MARCHF6: variants seen among roughly 807,000 people sequenced by gnomAD.
MARCHF6 encodes membrane associated ring-CH-type finger 6.
Under a neutral mutation model 133.7 loss-of-function variants are expected in MARCHF6, and 31 were observed. The ratio of observed to expected loss-of-function variants is 0.23; its 90% CI spans 0.17 to 0.31. MARCHF6 has a LOEUF of 0.31. Ranked by LOEUF, MARCHF6 falls within the 10% of genes least tolerant of loss-of-function variation. The pLI is 1.00. For synonymous variants in MARCHF6, 395 were observed against 402.5 expected, an observed-to-expected ratio of 0.98 and a Z score of 0.22; for missense variants, 723 against 1,121.6, an observed-to-expected ratio of 0.64 and a Z score of 5.08.
At chr5:10,405,870 A>T (rs898651880) in intron 16 of MARCHF6, among the ~76,000 whole-genome samples, 193 bp downstream of exon 16, 1 of 152,178 alleles carries the variant, frequency 6.6e-6, no homozygotes, top group African/African-American at 2.4e-5. Flanking sequence ...ATGTAAAAAG[A>T]TATTTACTAA....
At chr5:10,422,503 T>C (rs924185513) in intron 22 of MARCHF6, among the ~76,000 whole-genome samples, 3 of 152,190 alleles carry the variant, frequency 2.0e-5, no homozygotes, top group African/African-American at 7.2e-5. Context: ...TTGGACTTTT[T>C]TTCTGTAGCA....
At chr5:10,413,077 A>C (rs1209186134) in intron 19 of MARCHF6, among the ~76,000 whole-genome samples, 1 of 152,140 alleles carries the variant, frequency 6.6e-6, no homozygotes, top group Non-Finnish European at 1.5e-5. Flanking sequence ...ACACTCACTG[A>C]ATTGTTCTTC....
At chr5:10,375,211 G>C (rs1432917141) in intron 1 of MARCHF6, among the ~76,000 whole-genome samples, 1 of 152,228 alleles carries the variant, frequency 6.6e-6, no homozygotes, top group African/African-American at 2.4e-5. Context: ...GGGCCAGCTG[G>C]AGTTCCGGGT....
intron 1 of MARCHF6, among the ~76,000 whole-genome samples, chr5:10,371,547 A>G (rs1026509447): frequency 2.6e-5 from 4 of 152,190 alleles, no homozygotes; most frequent in Non-Finnish European, 4.4e-5. Context: ...CTGTTTTTCA[A>G]ACCATCAGAT....
rs752071427 is a variant in MARCHF6 at position 10,426,367 on chromosome 5, A to C, written c.2374-23A>C. 3 of 1,610,880 alleles carry C rather than the reference A, an allele frequency of 1.9e-6. No homozygotes were observed. The East Asian group carries it at 6.7e-5, about 36-fold the overall frequency. On this transcript the variant is annotated intron_variant, in intron 23 of 25. Transcript: ENST00000274140. ...GGAATTTGTCTTGTATCTTTGTTCTAATTGCTTTTTGTAATGTTTCAGGTT... is the reference window on the plus strand; with the variant it reads ...GGAATTTGTCTTGTATCTTTGTTCTCATTGCTTTTTGTAATGTTTCAGGTT...
chr5:10,362,173 C>G (rs946332883), intron 1 of MARCHF6, among the ~76,000 whole-genome samples: 5 of 152,194 alleles, frequency 3.3e-5, no homozygotes, highest in African/African-American at 1.2e-4. Context: ...CAAATTTACC[C>G]TGTTTAGGGT....
intron 1 of MARCHF6, among the ~76,000 whole-genome samples, chr5:10,367,640 T>C (rs1451042957): frequency 1.3e-5 from 2 of 152,214 alleles, no homozygotes; most frequent in Non-Finnish European, 2.9e-5. Context: ...TGAACTGTAC[T>C]GTTGGCTAGA....
chr5:10,415,550 A>G lies in MARCHF6; in HGVS notation c.2029A>G (p.Thr677Ala). Residue 677 changes from threonine (T) to alanine (A), a missense_variant, in exon 21 of 26, where the codon ACA becomes GCA. Around this residue, in one of 4 missense-constraint regions of MARCHF6, gnomAD observed 492 missense variants for 699.5 expected, o/e 0.70. Transcript: ENST00000274140. ...TGTAKIHELY[T>A]AACGLYVCWL... is the part of the protein sequence containing the mutation. ...GACTGCCAAAATCCATGAGCTCTAC[A>G]CAGCTGCTTGTGGTCTCTATGTTTG... is the stretch of plus-strand genomic sequence containing the variant. 1.2e-6 allele frequency: 2 copies of G among 1,614,186 alleles called. No individual in the cohort carries two copies. Among genetic ancestry groups the G allele is most frequent in the Non-Finnish European group, 1.7e-6 (2 of 1,180,026 alleles).
At chr5:10,365,743 C>CA (rs1736104856) in intron 1 of MARCHF6, among the ~76,000 whole-genome samples, 1 of 152,032 alleles carries the variant, frequency 6.6e-6, no homozygotes, top group Non-Finnish European at 1.5e-5. Flanking sequence ...GTAAAAGTAG[C>CA]AATTAAACAC....
In MARCHF6 at chr5:10,371,992, G is replaced by A. The variant is rs540797211; in HGVS notation, c.20-5806G>A. Among the ~76,000 whole-genome samples the A allele has an allele frequency of 2.0e-4, 31 of 151,786 alleles. No individual in the cohort carries two copies. In the South Asian group the frequency reaches 6.5e-3, roughly 32 times the overall value. ...CTAAAAAAGTTAGCTGAATGTGGTG[G>A]TGTGCTCCTGTAATGCCCACTCCTC... On this transcript the variant is annotated intron_variant, in intron 1 of 25. Transcript: ENST00000274140.
chr5:10,399,601 T>C (rs1381068151), intron 10 of MARCHF6, among the ~76,000 whole-genome samples: 2 of 152,178 alleles, frequency 1.3e-5, no homozygotes, highest in Admixed American at 1.3e-4. Context: ...GTTTTAAAAA[T>C]ACTTTCATAC....
At chr5:10,365,298 T>C (rs1272624459) in intron 1 of MARCHF6, among the ~76,000 whole-genome samples, 2 of 151,860 alleles carry the variant, frequency 1.3e-5, no homozygotes, top group Non-Finnish European at 2.9e-5. Context: ...ATTGGAATTA[T>C]TATTATTATT....
intron 1 of MARCHF6, among the ~76,000 whole-genome samples, chr5:10,371,877 A>AGC (rs1736490817): frequency 6.6e-6 from 1 of 152,144 alleles, no homozygotes; most frequent in African/African-American, 2.4e-5. Context: ...TGGCATCTAT[A>AGC]ATCCCAGCTA....
intron 10 of MARCHF6, among the ~76,000 whole-genome samples, chr5:10,398,573 T>C (rs1282781883): frequency 2.0e-5 from 3 of 151,068 alleles, no homozygotes; most frequent in Non-Finnish European, 4.4e-5. Context: ...GAAACTGTTA[T>C]GATCTTGACT....
chr5:10,391,960 C>CTT (rs533523322), intron 7 of MARCHF6, among the ~76,000 whole-genome samples: 6 of 140,342 alleles, frequency 4.3e-5, no homozygotes, highest in East Asian at 2.0e-4. Flanking sequence ...TTACACAGGC[C>CTT]TTTTTTTTTT....
chr5:10,405,215 T>G (rs79989107), intron 15 of MARCHF6, among the ~76,000 whole-genome samples: 8,031 of 152,228 alleles, frequency 0.053, 718 homozygotes, highest in African/African-American at 0.18. Context: ...GTCTATTTAG[T>G]ACATTTATAA....
chr5:10,386,963 G>A, intron 4 of MARCHF6, 31 bp from the exon 5 acceptor site: 1 of 1,579,718 alleles, frequency 6.3e-7, no homozygotes, highest in Non-Finnish European at 8.7e-7. Context: ...TGCGAGTTGT[G>A]ACTGTGTGCC....
chr5:10,402,334 G>C (rs548766437), intron 12 of MARCHF6, 50 bp from the exon 13 acceptor site: 18 of 1,496,676 alleles, frequency 1.2e-5, no homozygotes, highest in Non-Finnish European at 1.7e-5. Context: ...GTAGTTACCT[G>C]TTTCATTGTA....
intron 8 of MARCHF6, 118 bp from the exon 9 acceptor site, chr5:10,394,635 A>G (rs934624894): frequency 1.1e-5 from 8 of 717,902 alleles, no homozygotes; most frequent in South Asian, 8.3e-5. Flanking sequence ...TGGAAAGTAT[A>G]GGAAGTGGGT....
Sources: allele counts gnomAD v4.1 joint callset (sites outside exome capture counted in the v4.1 genomes callset), GRCh38; gene constraint gnomAD v4.1.1; regional missense constraint gnomAD v4.1.1; transcripts MANE v1.5; gene names NCBI Gene and HGNC (gene_info 2026-07-23, HGNC 2026-07-21).